Variants in PCNX2 observed in about 807,000 individuals in gnomAD.
The protein encoded by PCNX2 is pecanex-like protein 2.
Under a neutral mutation model 223.8 loss-of-function variants are expected in PCNX2, and 168 were observed. That is an observed-to-expected ratio of 0.75 (90% CI 0.66 to 0.85). The LOEUF (loss-of-function observed/expected upper bound fraction) is 0.85, where lower values mean the gene tolerates loss of function less well. Among genes scored for constraint, PCNX2 ranks in the 40% least tolerant of loss-of-function variants. The pLI is 0.00. For synonymous variants in PCNX2, 1,006 were observed against 1,052.6 expected, an observed-to-expected ratio of 0.96 and a Z score of 0.86; for missense variants, 2,507 against 2,675.5, an observed-to-expected ratio of 0.94 and a Z score of 1.39.
At chr1:233,292,816 T>G (rs1661848469) in intron 1 of PCNX2, among the ~76,000 whole-genome samples, 1 of 152,142 alleles carries the variant, frequency 6.6e-6, no homozygotes, top group South Asian at 2.1e-4. Context: ...ATGTTTTTAA[T>G]AACGCAGGCT....
At chr1:233,272,908 T>C (rs1333742928) in intron 1 of PCNX2, among the ~76,000 whole-genome samples, 4 of 152,090 alleles carry the variant, frequency 2.6e-5, no homozygotes, top group African/African-American at 9.7e-5. Flanking sequence ...GAAAACCAAA[T>C]ACCATATGCT....
At chr1:233,034,630 C>A (rs537763336) in intron 25 of PCNX2, among the ~76,000 whole-genome samples, 12 of 152,316 alleles carry the variant, frequency 7.9e-5, no homozygotes, top group Admixed American at 7.8e-4. Flanking sequence ...GGCTGGTAGA[C>A]ACACCTGCCA....
At chr1:233,285,731 GT>G (rs1270921968) in intron 1 of PCNX2, among the ~76,000 whole-genome samples, 2 of 152,166 alleles carry the variant, frequency 1.3e-5, no homozygotes, top group African/African-American at 4.8e-5. Flanking sequence ...ACATGTTTAG[GT>G]TGGTTATTAC....
At chr1:233,075,289 C>T (rs1190410755) in intron 23 of PCNX2, among the ~76,000 whole-genome samples, 1 of 152,156 alleles carries the variant, frequency 6.6e-6, no homozygotes, top group East Asian at 1.9e-4. Flanking sequence ...GATGAATCTC[C>T]ACTGAATTAT....
intron 5 of PCNX2, among the ~76,000 whole-genome samples, 178 bp downstream of exon 5, chr1:233,257,850 T>C (rs926924759): frequency 2.6e-5 from 4 of 152,214 alleles, no homozygotes; most frequent in African/African-American, 7.2e-5. Context: ...TATGTATACA[T>C]GTTCATCACA....
At chr1:233,070,938 G>A (rs1346705260) in intron 23 of PCNX2, among the ~76,000 whole-genome samples, 3 of 152,318 alleles carry the variant, frequency 2.0e-5, no homozygotes, top group Middle Eastern at 3.4e-3. Context: ...TGGGGAGGCT[G>A]AGGCAGGAGA....
intron 15 of PCNX2, among the ~76,000 whole-genome samples, chr1:233,191,132 A>T (rs1426420865): frequency 6.6e-6 from 1 of 152,234 alleles, no homozygotes; most frequent in East Asian, 1.9e-4. Context: ...AAGTTGTGTA[A>T]CAATCCATGA....
intron 21 of PCNX2, among the ~76,000 whole-genome samples, chr1:233,122,887 C>T (rs1675885647): frequency 1.3e-5 from 2 of 152,156 alleles, no homozygotes; most frequent in South Asian, 4.1e-4. Flanking sequence ...CCCCAAAACA[C>T]ATAACCCTAA....
chr1:233,166,881 C>T (rs1242352100), intron 17 of PCNX2, among the ~76,000 whole-genome samples: 1 of 152,108 alleles, frequency 6.6e-6, no homozygotes, highest in Non-Finnish European at 1.5e-5. Context: ...TTGGTTCCCG[C>T]CTGTAATTCC....
At chr1:233,134,855 T>C (rs1394653837) in intron 21 of PCNX2, 158 bp downstream of exon 21, 9 of 654,848 alleles carry the variant, frequency 1.4e-5, no homozygotes, top group Non-Finnish European at 2.1e-5. Context: ...TGGGCAGTTT[T>C]CCCCAAATGG....
the PCNX2 span, among the ~76,000 whole-genome samples, chr1:233,314,603 A>G: frequency 6.6e-6 from 1 of 152,200 alleles, no homozygotes. Context: ...TAGGAAAAAT[A>G]AAGTTTTCAG....
At chr1:233,092,054 A>G in intron 22 of PCNX2, among the ~76,000 whole-genome samples, 1 of 152,196 alleles carries the variant, frequency 6.6e-6, no homozygotes, top group East Asian at 1.9e-4. Flanking sequence ...CAAATTAGCT[A>G]TTATGCTCCT....
chr1:233,242,659 CT>C (rs1392183374), intron 8 of PCNX2, among the ~76,000 whole-genome samples: 1 of 152,178 alleles, frequency 6.6e-6, no homozygotes, highest in Admixed American at 6.5e-5. Flanking sequence ...AACTATCAAG[CT>C]TTAATTACAA....
At chr1:233,078,259 G>A (rs1673189763) in intron 23 of PCNX2, among the ~76,000 whole-genome samples, 1 of 152,198 alleles carries the variant, frequency 6.6e-6, no homozygotes, top group South Asian at 2.1e-4. Flanking sequence ...CAGTCACTTG[G>A]AGTATTGGCC....
intron 17 of PCNX2, among the ~76,000 whole-genome samples, chr1:233,168,613 GCTA>G (rs774808938): frequency 9.9e-5 from 15 of 151,994 alleles, no homozygotes; most frequent in Non-Finnish European, 1.5e-4. Flanking sequence ...TCCCTTGACT[GCTA>G]CTATTAGGTT....
At position 233,258,594 on chromosome 1, in the gene PCNX2, G is replaced by T; in HGVS notation, c.1268C>A (p.Ala423Asp). ...GATTACAGGAATTGAGATCTGCTCG[G>T]CATTTGGAGAACCGGCCGCCCCTGG... ...TNPGAAGSPNAEQISIPVITL... is the reference protein window; with the variant it reads ...TNPGAAGSPNDEQISIPVITL... Residue 423 changes from alanine to aspartate, a missense_variant, in exon 5 of 34, where the codon GCC (alanine) becomes GAC (aspartate). This residue lies in a region of PCNX2 where 1,031 missense variants were observed against 1,021.7 expected (regional missense o/e 1.01). Transcript: ENST00000258229. 2 of 1,613,960 alleles carry T rather than the reference G, an allele frequency of 1.2e-6. No homozygotes were observed. The highest frequency in any genetic ancestry group is 1.7e-6 in the Non-Finnish European group (2 of 1,179,890).
intron 25 of PCNX2, among the ~76,000 whole-genome samples, chr1:233,053,112 C>T (rs1013316063): frequency 6.6e-6 from 1 of 152,080 alleles, no homozygotes; most frequent in African/African-American, 2.4e-5. Flanking sequence ...ACCATTCCCT[C>T]CTCCAGAGTC....
chr1:233,026,785 A>T (rs1182090280), intron 25 of PCNX2, among the ~76,000 whole-genome samples: 1 of 152,308 alleles, frequency 6.6e-6, no homozygotes, highest in East Asian at 1.9e-4. Flanking sequence ...CCAGCCTTTG[A>T]GTAGGAGTGA....
chr1:233,062,847 C>G (rs1404337029), intron 23 of PCNX2, among the ~76,000 whole-genome samples: 1 of 152,138 alleles, frequency 6.6e-6, no homozygotes, highest in Non-Finnish European at 1.5e-5. Context: ...TAAGGCAATA[C>G]TATGAACAAC....
Sources: gnomAD v4.1 joint callset for allele counts (sites outside exome capture counted in the v4.1 genomes callset) on GRCh38, gnomAD v4.1.1 for gene constraint, gnomAD v4.1.1 regional missense constraint, MANE v1.5 for transcripts, NCBI Gene and HGNC (gene_info 2026-07-23, HGNC 2026-07-21) for gene names.